The following ADCY2 variants were observed in gnomAD, a reference collection of about 807,000 sequenced individuals.
ADCY2 encodes adenylate cyclase 2, also known as adenylate cyclase type 2.
In ADCY2, 31 loss-of-function variants were observed where a neutral mutation model predicts 125.2. The observed-to-expected ratio is 0.25, with a 90% CI of 0.19 to 0.33. The LOEUF (loss-of-function observed/expected upper bound fraction) is 0.33, where lower values mean the gene tolerates loss of function less well. Ranked by LOEUF, ADCY2 falls within the 10% of genes least tolerant of loss-of-function variation. The pLI is 1.00. For synonymous variants in ADCY2, 512 were observed against 548.4 expected (o/e 0.93, Z 0.93); for missense variants, 904 against 1,418.2 (o/e 0.64, Z 5.82).
chr5:7,795,494 A>T (rs1744391071), intron 20 of ADCY2: 1 of 152,248 alleles, frequency 6.6e-6, no homozygotes, highest in African/African-American at 2.4e-5. Context: ...AGGGTGGGCC[A>T]AGCCCTGGTG....
At chr5:7,499,691 A>G (rs1368952743) in intron 2 of ADCY2, among the ~76,000 whole-genome samples, 9 of 140,684 alleles carry the variant, frequency 6.4e-5, no homozygotes, top group Admixed American at 5.0e-4. Context: ...ATGTATATAT[A>G]TGTGTATATA....
At chr5:7,508,449 T>A (rs1472914330) in intron 2 of ADCY2, among the ~76,000 whole-genome samples, 1 of 152,184 alleles carries the variant, frequency 6.6e-6, no homozygotes, top group Non-Finnish European at 1.5e-5. Context: ...AGAATTTGGT[T>A]TGGGTCCAGA....
chr5:7,532,890 T>A (rs1004175143), intron 3 of ADCY2, among the ~76,000 whole-genome samples: 2 of 151,956 alleles, frequency 1.3e-5, no homozygotes, highest in African/African-American at 4.8e-5. Context: ...TAACAAACAC[T>A]TATGCAGCTC....
In ADCY2 at chr5:7,802,109, T is replaced by C. The variant is rs1744615897; in HGVS notation, c.2629-109T>C. ...GGGGTGGGGCAAGTGGAGTAGGCAT[T>C]TGGGCGATGTCTGTGTGAATCCTGG... On this transcript the variant is annotated intron_variant, in intron 20 of 24. Transcript: ENST00000338316. The surrounding 1 kb of genome is among the most constrained non-coding windows in gnomAD (Gnocchi z 4.6). 1.5e-6 allele frequency: 2 copies of C among 1,308,432 alleles called. No individual in the cohort carries two copies. Among genetic ancestry groups the C allele is most frequent in the Admixed American group, 4.2e-5 (2 of 47,684 alleles). The allele number at this position is 1,308,432 out of a possible 1,614,324, so 81.1% of individuals were successfully genotyped here.
At chr5:7,546,023 G>A (rs532432162) in intron 3 of ADCY2, among the ~76,000 whole-genome samples, 4 of 152,226 alleles carry the variant, frequency 2.6e-5, no homozygotes, top group African/African-American at 9.6e-5. Flanking sequence ...TCTGTCTTAG[G>A]AAGCCATCCC....
At chr5:7,536,833 G>A (rs1006399668) in intron 3 of ADCY2, among the ~76,000 whole-genome samples, 1 of 152,050 alleles carries the variant, frequency 6.6e-6, no homozygotes, top group African/African-American at 2.4e-5. Flanking sequence ...AGGGGGTGGG[G>A]GGCTAGGGGA....
rs1446860084 is a variant in ADCY2 at position 7,480,754 on chromosome 5, TA to T, written c.409-39980del. 1.2e-4 allele frequency among the ~76,000 whole-genome samples: 19 copies of T among 152,292 alleles called. No homozygotes were observed. In the South Asian group the frequency reaches 3.9e-3, roughly 32 times the overall value. Reference sequence around the variant, plus strand: ...TGCACATGTACCCCTGAACTTAAAATAAAAGTTGAATTAAAAATAGTAATGA... The same window carrying T: ...TGCACATGTACCCCTGAACTTAAAATAAAGTTGAATTAAAAATAGTAATGA... On this transcript the variant is annotated intron_variant, in intron 2 of 24. Coordinates refer to ENST00000338316, the MANE Select transcript of ADCY2 (RefSeq NM_020546.3).
At chr5:7,724,736 T>C (rs769302052) in intron 13 of ADCY2, 122 bp downstream of exon 13, 114 of 681,006 alleles carry the variant, frequency 1.7e-4, no homozygotes, top group Non-Finnish European at 2.7e-4. Flanking sequence ...ATTCGAACTC[T>C]TTCTGGCTTT....
At chr5:7,657,823 C>G (rs1739391096) in intron 4 of ADCY2, among the ~76,000 whole-genome samples, 1 of 152,178 alleles carries the variant, frequency 6.6e-6, no homozygotes, top group South Asian at 2.1e-4. Flanking sequence ...ACTTTTCCCT[C>G]TCAGCTGAAA....
At chr5:7,565,965 C>G (rs1218075418) in intron 3 of ADCY2, among the ~76,000 whole-genome samples, 1 of 152,144 alleles carries the variant, frequency 6.6e-6, no homozygotes, top group African/African-American at 2.4e-5. Context: ...GCTCACTTAG[C>G]TTTTTTCCAA....
At chr5:7,554,861 A>T (rs1370399894) in intron 3 of ADCY2, among the ~76,000 whole-genome samples, 1 of 152,188 alleles carries the variant, frequency 6.6e-6, no homozygotes, top group Non-Finnish European at 1.5e-5. Flanking sequence ...CTATTCATAG[A>T]GGTAAGTGAC....
chr5:7,434,771 T>C (rs1740732771), intron 2 of ADCY2, among the ~76,000 whole-genome samples: 1 of 152,190 alleles, frequency 6.6e-6, no homozygotes, highest in Non-Finnish European at 1.5e-5. Context: ...AAGATGGAAG[T>C]GGGATTCTAC....
chr5:7,727,784 G>A (rs946350179), intron 14 of ADCY2, among the ~76,000 whole-genome samples: 9 of 152,058 alleles, frequency 5.9e-5, no homozygotes, highest in Middle Eastern at 3.4e-3. Context: ...ACCTCTCCCC[G>A]GAGAGACGTG....
At position 7,692,828 on chromosome 5, in the gene ADCY2, T is replaced by C. The variant is rs539275806; in HGVS notation, c.869+1989T>C. On this transcript the variant is annotated intron_variant, in intron 5 of 24. Transcript: ENST00000338316. ...GTCTCTCCCGTAAATGAGAGTATGT[T>C]GGGGGCTCTCTCTTACCTCCTCTCG... 4.6e-5 allele frequency among the ~76,000 whole-genome samples: 7 copies of C among 152,272 alleles called. No individual in the cohort carries two copies. In the South Asian group the frequency reaches 1.5e-3, roughly 32 times the overall value.
At chr5:7,750,491 T>C (rs974234853) in intron 15 of ADCY2, among the ~76,000 whole-genome samples, 15 of 152,230 alleles carry the variant, frequency 9.9e-5, no homozygotes, top group African/African-American at 2.7e-4. Context: ...ATTTGTTTAC[T>C]ATTTTTTCCA....
chr5:7,480,153 A>C (rs1265000549), intron 2 of ADCY2, among the ~76,000 whole-genome samples: 1 of 152,326 alleles, frequency 6.6e-6, no homozygotes, highest in East Asian at 1.9e-4. Flanking sequence ...GAGTGCTTAT[A>C]CACTGTTAGT....
rs1308631068 is a variant in ADCY2, at chr5:7,828,083, A to T, written c.*1212A>T. The T allele has an allele frequency of 6.5e-6, 1 of 152,836 alleles. No homozygotes were observed. The highest frequency in any genetic ancestry group is 1.5e-5 in the Non-Finnish European group (1 of 68,054). 9.5% of individuals were successfully genotyped at this position (152,836 alleles called of 1,614,324 possible). On this transcript the variant is annotated 3_prime_UTR_variant, in exon 25 of 25. Coordinates refer to ENST00000338316, the MANE Select transcript of ADCY2 (RefSeq NM_020546.3). ...GGCCTTGAAGAATTTGTTCTTGTAAATCCAACACAAGTTGTTTGGTACTTT... is the reference window on the plus strand; with the variant it reads ...GGCCTTGAAGAATTTGTTCTTGTAATTCCAACACAAGTTGTTTGGTACTTT...
intron 3 of ADCY2, among the ~76,000 whole-genome samples, chr5:7,534,161 C>T (rs1734742934): frequency 6.6e-6 from 1 of 152,222 alleles, no homozygotes; most frequent in Non-Finnish European, 1.5e-5. Context: ...ACAAGCACAT[C>T]TCTGCTCCCT....
intron 19 of ADCY2, among the ~76,000 whole-genome samples, chr5:7,785,163 G>A (rs1352863475): frequency 2.0e-5 from 3 of 152,166 alleles, no homozygotes; most frequent in Admixed American, 6.5e-5. Context: ...TATTTGGAAC[G>A]AACCCATGAA....
Sources: gnomAD v4.1 joint callset for allele counts (sites outside exome capture counted in the v4.1 genomes callset) on GRCh38, gnomAD v4.1.1 for gene constraint, Gnocchi (gnomAD v3.1) non-coding constraint, MANE v1.5 for transcripts, NCBI Gene and HGNC (gene_info 2026-07-23, HGNC 2026-07-21) for gene names.